DSCAM: variants seen among roughly 807,000 people sequenced by gnomAD.
DSCAM encodes DS cell adhesion molecule.
In DSCAM, 47 loss-of-function variants were observed where a neutral mutation model predicts 217.7. That is an observed-to-expected ratio of 0.22 (90% CI 0.17 to 0.28). The LOEUF (loss-of-function observed/expected upper bound fraction) is 0.28. Ranked by LOEUF, DSCAM falls within the 10% of genes least tolerant of loss-of-function variation. The probability of loss-of-function intolerance (pLI) is 1.00; values close to 1 mark genes in which losing one functional copy is unlikely to be tolerated. For synonymous variants in DSCAM, 1,056 were observed against 1,015.3 expected, an observed-to-expected ratio of 1.04 and a Z score of -0.76; for missense variants, 2,080 against 2,618.3, an observed-to-expected ratio of 0.79 and a Z score of 4.49.
chr21:40,671,507 CCG>C (rs1568975396), intron 3 of DSCAM, among the ~76,000 whole-genome samples: 16 of 151,538 alleles, frequency 1.1e-4, no homozygotes, highest in South Asian at 6.3e-4. Flanking sequence ...AACTCCCCCC[CCG>C]CACCGTCTCT....
At chr21:40,831,591 T>C (rs970497216) in intron 1 of DSCAM, among the ~76,000 whole-genome samples, 3 of 152,246 alleles carry the variant, frequency 2.0e-5, no homozygotes, top group Non-Finnish European at 2.9e-5. Flanking sequence ...ATTGAGAAAA[T>C]TGGTAGTCAG....
intron 1 of DSCAM, 27 bp from the exon 2 acceptor site, chr21:40,708,798 T>C (rs1344555135): frequency 1.3e-5 from 19 of 1,441,304 alleles, no homozygotes; most frequent in Middle Eastern, 1.8e-4. Flanking sequence ...CAGGGATCCA[T>C]AGGTGAGTAA....
chr21:40,615,732 A>G (rs886814691), intron 3 of DSCAM, among the ~76,000 whole-genome samples: 1 of 152,218 alleles, frequency 6.6e-6, no homozygotes, highest in African/African-American at 2.4e-5. Flanking sequence ...ATGCAGACAG[A>G]TGGAGCTAAA....
At chr21:40,477,962 A>T (rs189334868) in intron 3 of DSCAM, among the ~76,000 whole-genome samples, 6 of 152,212 alleles carry the variant, frequency 3.9e-5, no homozygotes, top group Non-Finnish European at 4.4e-5. Context: ...GTAGAGAAAA[A>T]AAATTACCAG....
chr21:40,050,679 C>T (rs151291591), intron 30 of DSCAM, among the ~76,000 whole-genome samples: 202 of 152,248 alleles, frequency 1.3e-3, no homozygotes, highest in African/African-American at 4.6e-3. Flanking sequence ...GACGAGGTTT[C>T]ACCATGTTAG....
At chr21:40,622,116 G>A (rs116831910) in intron 3 of DSCAM, among the ~76,000 whole-genome samples, 101 of 152,040 alleles carry the variant, frequency 6.6e-4, no homozygotes, top group African/African-American at 2.4e-3. Flanking sequence ...GCTATTTTAG[G>A]TCATGTTTCC....
intron 27 of DSCAM, among the ~76,000 whole-genome samples, chr21:40,068,108 T>C (rs2089237662): frequency 6.6e-6 from 1 of 152,194 alleles, no homozygotes; most frequent in Middle Eastern, 3.4e-3. Flanking sequence ...GATGGAGAAA[T>C]GATACCAGGA....
chr21:40,655,325 CACAG>C (rs2090061860), intron 3 of DSCAM, among the ~76,000 whole-genome samples: 1 of 152,162 alleles, frequency 6.6e-6, no homozygotes, highest in Non-Finnish European at 1.5e-5. Flanking sequence ...AACATCAAGG[CACAG>C]ACAGATTTGG....
rs538437616 is a variant in DSCAM at position 40,245,671 on chromosome 21, T to C, written c.2356+30426A>G. 6.6e-5 allele frequency among the ~76,000 whole-genome samples: 10 copies of C among 152,314 alleles called. No homozygotes were observed. The East Asian group carries it at 9.7e-4, about 15-fold the overall frequency. On this transcript the variant is annotated intron_variant, in intron 11 of 32. Transcript: ENST00000400454. ...GCTCATAGTCTCTCTTTTTCCTTTATGCCAGGAATTAACAAATGAGGAAGA... is the reference window on the plus strand; with the variant it reads ...GCTCATAGTCTCTCTTTTTCCTTTACGCCAGGAATTAACAAATGAGGAAGA...
chr21:40,492,214 G>C (rs1448625781), intron 3 of DSCAM, among the ~76,000 whole-genome samples: 1 of 152,102 alleles, frequency 6.6e-6, no homozygotes, highest in African/African-American at 2.4e-5. Context: ...ATTAGGTATA[G>C]ATTATAGATA....
intron 20 of DSCAM, among the ~76,000 whole-genome samples, chr21:40,110,375 C>T (rs889560571): frequency 2.6e-5 from 4 of 152,172 alleles, no homozygotes; most frequent in African/African-American, 4.8e-5. Context: ...AGAAGGAAAA[C>T]TAACAAACAG....
At chr21:40,239,703 C>G (rs532892476) in intron 11 of DSCAM, among the ~76,000 whole-genome samples, 135 of 152,266 alleles carry the variant, frequency 8.9e-4, no homozygotes, top group African/African-American at 3.1e-3. Context: ...GGCTTCTTCC[C>G]TCAGAAGTGG....
chr21:40,753,171 A>G (rs1234056495), intron 1 of DSCAM, among the ~76,000 whole-genome samples: 1 of 152,190 alleles, frequency 6.6e-6, no homozygotes, highest in Non-Finnish European at 1.5e-5. Flanking sequence ...TATTTATTTA[A>G]CACATTTGGA....
In DSCAM at chr21:40,093,971, C is replaced by G. The variant is rs752633123; in HGVS notation, c.3697-97G>C. The G allele has an allele frequency of 1.9e-4, 248 of 1,287,190 alleles. 1 individual carries two copies. The highest frequency in any genetic ancestry group is 2.4e-4 in the Non-Finnish European group (226 of 940,296). 79.7% of individuals were successfully genotyped at this position (1,287,190 alleles called of 1,614,324 possible). ...GTCATGAACATATTAAATATCATAA[C>G]AAAAAAACTCAACTCACTCTCCTCT... On this transcript the variant is annotated intron_variant, in intron 20 of 32. Coordinates refer to ENST00000400454, the MANE Select transcript of DSCAM (RefSeq NM_001389.5).
At chr21:40,547,257 C>T (rs779161396) in intron 3 of DSCAM, among the ~76,000 whole-genome samples, 1 of 152,174 alleles carries the variant, frequency 6.6e-6, no homozygotes, top group East Asian at 1.9e-4. Flanking sequence ...CACGGCCTTC[C>T]TTTCTTGCTT....
At chr21:40,526,281 G>A (rs2076400029) in intron 3 of DSCAM, among the ~76,000 whole-genome samples, 1 of 152,134 alleles carries the variant, frequency 6.6e-6, no homozygotes, top group African/African-American at 2.4e-5. Flanking sequence ...TTTTTTCAGG[G>A]CAAGTACTTA....
At chr21:40,559,678 A>G (rs1020903057) in intron 3 of DSCAM, among the ~76,000 whole-genome samples, 32 of 152,088 alleles carry the variant, frequency 2.1e-4, no homozygotes, top group African/African-American at 6.5e-4. Context: ...TAAGTCATAT[A>G]GAAGTCAGCT....
intron 3 of DSCAM, among the ~76,000 whole-genome samples, chr21:40,544,529 A>T (rs372380852): frequency 4.6e-5 from 7 of 152,188 alleles, no homozygotes; most frequent in Non-Finnish European, 8.8e-5. Context: ...CCCTGCGAAG[A>T]TGAAGGCACA....
At chr21:40,131,371 G>A (rs770206007) in intron 19 of DSCAM, among the ~76,000 whole-genome samples, 2 of 152,168 alleles carry the variant, frequency 1.3e-5, no homozygotes, top group Non-Finnish European at 2.9e-5. Flanking sequence ...ATGTGAACCT[G>A]GGAGATGAAG....
Sources: allele counts gnomAD v4.1 joint callset (sites outside exome capture counted in the v4.1 genomes callset), GRCh38; gene constraint gnomAD v4.1.1; transcripts MANE v1.5; gene names NCBI Gene and HGNC (gene_info 2026-07-23, HGNC 2026-07-21).